PPP2CA: variants seen among roughly 807,000 people sequenced by gnomAD.
PPP2CA encodes serine/threonine-protein phosphatase 2A catalytic subunit alpha isoform.
PPP2CA carries 5 observed loss-of-function variants against 38.8 expected under a neutral mutation model. That is an observed-to-expected ratio of 0.13 (90% CI 0.07 to 0.27). The LOEUF (loss-of-function observed/expected upper bound fraction) is 0.27. Among genes scored for constraint, PPP2CA ranks in the 10% least tolerant of loss-of-function variants. PPP2CA has a pLI of 1.00. For missense variants in PPP2CA, 88 were observed against 389.7 expected (o/e 0.23, Z 6.52); for synonymous variants, 152 against 134.0 (o/e 1.13, Z -0.93).
rs773558643 is a variant in PPP2CA at position 134,225,790 on chromosome 5, G to C, written c.72C>G (p.Ser24=). The part of the protein sequence containing the change: ...IEQLNECKQL[S]ESQVKSLCEK... Reference sequence around the variant, plus strand: ...CGCAGAGGCTCTTGACCTGGGACTCGGACAGCTGCTTGCACTCGTTCAGCT... The same window carrying C: ...CGCAGAGGCTCTTGACCTGGGACTCCGACAGCTGCTTGCACTCGTTCAGCT... Residue 24 remains serine, a synonymous_variant, in exon 1 of 7, where the codon TCC becomes TCG. Coordinates refer to ENST00000481195, the MANE Select transcript of PPP2CA (RefSeq NM_002715.4). 6.2e-6 allele frequency: 10 copies of C among 1,610,588 alleles called. No individual in the cohort carries two copies. The East Asian group carries it at 1.3e-4, about 22-fold the overall frequency.
intron 1 of PPP2CA, among the ~76,000 whole-genome samples, chr5:134,210,530 T>G (rs1269661970): frequency 6.6e-6 from 1 of 152,006 alleles, no homozygotes; most frequent in African/African-American, 2.4e-5. Context: ...GGGAAAAAAA[T>G]TAAGATAAAG....
intron 1 of PPP2CA, among the ~76,000 whole-genome samples, chr5:134,208,855 TC>T (rs1308449369): frequency 6.6e-6 from 1 of 152,248 alleles, no homozygotes; most frequent in African/African-American, 2.4e-5. Flanking sequence ...AGCCTGCTTT[TC>T]TAACAATATA....
intron 1 of PPP2CA, among the ~76,000 whole-genome samples, chr5:134,220,047 T>C (rs1762404192): frequency 1.3e-5 from 2 of 149,052 alleles, no homozygotes; most frequent in South Asian, 4.2e-4. Flanking sequence ...TAATCTCAGG[T>C]TGTTCTTTAC....
chr5:134,225,404 G>A (rs1580655478), intron 1 of PPP2CA: 1 of 225,638 alleles, frequency 4.4e-6, no homozygotes. Flanking sequence ...AGAGGCCCAG[G>A]CTCCATTCCC....
rs1761846703 is a variant in PPP2CA at position 134,196,194 on chromosome 5, T to C, written c.*1578A>G. 6.6e-6 allele frequency: 1 copy of C among 152,208 alleles called. No individual in the cohort carries two copies. The highest frequency in any genetic ancestry group is 1.5e-5 in the Non-Finnish European group (1 of 68,044). 9.4% of individuals were successfully genotyped at this position (152,208 alleles called of 1,614,324 possible). On this transcript the variant is annotated 3_prime_UTR_variant, in exon 7 of 7. Coordinates refer to ENST00000481195, the MANE Select transcript of PPP2CA (RefSeq NM_002715.4). ...GATCAGAAAAGACATTCGGTATGTA[T>C]GTGTTCCTCAAGCATTTTAGAAAGG...
intron 1 of PPP2CA, among the ~76,000 whole-genome samples, chr5:134,221,409 C>T (rs937656686): frequency 2.0e-5 from 3 of 152,108 alleles, no homozygotes; most frequent in African/African-American, 7.2e-5. Context: ...GCCACCTTGC[C>T]CTGCTGAAAA....
rs758517021 is a variant in PPP2CA at position 134,200,145 on chromosome 5, T to C, written c.738+190A>G. 5.7e-4 allele frequency among the ~76,000 whole-genome samples: 87 copies of C among 152,348 alleles called. No homozygotes were observed. The Middle Eastern group carries it at 0.01, about 18-fold the overall frequency. On this transcript the variant is annotated intron_variant, in intron 5 of 6. Coordinates refer to ENST00000481195, the MANE Select transcript of PPP2CA (RefSeq NM_002715.4). ...CTCTGAAAACATGTTAATGGATTCA[T>C]TGTAATCAAAAGCTTGAGCTTTTAA...
intron 2 of PPP2CA, among the ~76,000 whole-genome samples, chr5:134,202,909 A>T (rs12520063): frequency 0.77 from 117,692 of 152,158 alleles, 45,974 homozygotes; most frequent in Non-Finnish European, 0.82. Flanking sequence ...TACTGATTAC[A>T]GCCATTCTAA....
At chr5:134,221,733 G>C (rs1762447523) in intron 1 of PPP2CA, among the ~76,000 whole-genome samples, 1 of 152,072 alleles carries the variant, frequency 6.6e-6, no homozygotes, top group Non-Finnish European at 1.5e-5. Context: ...ACTTTGGGAG[G>C]CTGAGGTGGG....
chr5:134,206,446 G>GT (rs1341819361), intron 1 of PPP2CA, among the ~76,000 whole-genome samples: 2 of 152,150 alleles, frequency 1.3e-5, no homozygotes, highest in African/African-American at 4.8e-5. Flanking sequence ...GGACATTCAG[G>GT]TATCTACTTC....
At chr5:134,204,465 T>C (rs1005655740) in intron 2 of PPP2CA, among the ~76,000 whole-genome samples, 1 of 152,162 alleles carries the variant, frequency 6.6e-6, no homozygotes, top group Non-Finnish European at 1.5e-5. Flanking sequence ...CCATTCTAGA[T>C]TTTTGTTTTT....
At chr5:134,213,529 T>C (rs551312111) in intron 1 of PPP2CA, among the ~76,000 whole-genome samples, 1 of 151,284 alleles carries the variant, frequency 6.6e-6, no homozygotes, top group South Asian at 2.1e-4. Context: ...TACACACCTG[T>C]AGTACCAGCT....
intron 1 of PPP2CA, among the ~76,000 whole-genome samples, chr5:134,212,842 C>T (rs1388032248): frequency 4.6e-5 from 7 of 152,196 alleles, no homozygotes; most frequent in Admixed American, 3.9e-4. Flanking sequence ...TCAGCCACAA[C>T]ATTCGCTTAA....
At chr5:134,200,545 C>T (rs1188475134) in intron 4 of PPP2CA, 49 bp from the exon 5 acceptor site, 1 of 1,584,328 alleles carries the variant, frequency 6.3e-7, no homozygotes, top group Non-Finnish European at 8.6e-7. Context: ...ACATGGTTAA[C>T]ACATTATTTG....
At chr5:134,205,820 T>C (rs1441973963) in intron 2 of PPP2CA, 102 bp downstream of exon 2, 1 of 1,016,120 alleles carries the variant, frequency 9.8e-7, no homozygotes, top group Non-Finnish European at 1.5e-6. Context: ...AATGTGGAAT[T>C]TTGTTTTAAC....
At chr5:134,217,862 C>T (rs910589199) in intron 1 of PPP2CA, among the ~76,000 whole-genome samples, 5 of 152,184 alleles carry the variant, frequency 3.3e-5, no homozygotes, top group Non-Finnish European at 7.4e-5. Context: ...TAGACTACTA[C>T]AAACCTAAGC....
intron 3 of PPP2CA, among the ~76,000 whole-genome samples, chr5:134,201,609 C>T (rs375760537): frequency 4.9e-4 from 75 of 152,378 alleles, no homozygotes; most frequent in African/African-American, 1.8e-3. Flanking sequence ...AAATGGGCTA[C>T]ATCACCCACC....
At chr5:134,223,527 C>T (rs1762492730) in intron 1 of PPP2CA, among the ~76,000 whole-genome samples, 1 of 152,180 alleles carries the variant, frequency 6.6e-6, no homozygotes, top group African/African-American at 2.4e-5. Flanking sequence ...TTTTATATAA[C>T]ACCTACTCTC....
chr5:134,202,048 A>G (rs983251018), intron 2 of PPP2CA, 27 bp from the exon 3 acceptor site: 1 of 1,549,644 alleles, frequency 6.5e-7, no homozygotes, highest in East Asian at 2.3e-5. Context: ...CAAAACATAA[A>G]CAACTAGCTC....
Sources: gnomAD v4.1 joint callset for allele counts (sites outside exome capture counted in the v4.1 genomes callset) on GRCh38, gnomAD v4.1.1 for gene constraint, MANE v1.5 for transcripts, NCBI Gene and HGNC (gene_info 2026-07-23, HGNC 2026-07-21) for gene names.